Variants in CPE observed in about 807,000 individuals in gnomAD.
CPE encodes the protein carboxypeptidase E.
CPE carries 17 observed loss-of-function variants against 53.5 expected under a neutral mutation model. The ratio of observed to expected loss-of-function variants is 0.32; its 90% confidence interval spans 0.22 to 0.48. The LOEUF is 0.48. Among genes scored for constraint, CPE ranks in the 20% least tolerant of loss-of-function variants. CPE has a pLI of 0.99. For missense variants in CPE, 524 were observed against 614.7 expected, an observed-to-expected ratio of 0.85 and a Z score of 1.56; for synonymous variants, 226 against 228.8, an observed-to-expected ratio of 0.99 and a Z score of 0.11.
chr4:165,420,669 A>G (rs1731196107), intron 1 of CPE, among the ~76,000 whole-genome samples: 1 of 152,088 alleles, frequency 6.6e-6, no homozygotes. Context: ...ATTGAATAGT[A>G]GAGAATTTCT....
At chr4:165,450,613 T>C (rs889481244) in intron 1 of CPE, among the ~76,000 whole-genome samples, 1 of 152,214 alleles carries the variant, frequency 6.6e-6, no homozygotes, top group Admixed American at 6.5e-5. Context: ...AAAATTTAAA[T>C]ATTGAATTTG....
chr4:165,401,625 A>G (rs1040828257), intron 1 of CPE, among the ~76,000 whole-genome samples: 1 of 152,226 alleles, frequency 6.6e-6, no homozygotes, highest in Non-Finnish European at 1.5e-5. Flanking sequence ...AGAAATTATT[A>G]TTATTTCCCA....
intron 3 of CPE, among the ~76,000 whole-genome samples, chr4:165,473,845 A>T (rs1359901972): frequency 6.6e-6 from 1 of 152,262 alleles, no homozygotes; most frequent in African/African-American, 2.4e-5. Flanking sequence ...TTACTCCTCC[A>T]GGAGTTTCTC....
chr4:165,414,767 T>A (rs1731094256), intron 1 of CPE, among the ~76,000 whole-genome samples: 1 of 151,982 alleles, frequency 6.6e-6, no homozygotes, highest in African/African-American at 2.4e-5. Context: ...ACAGTGTATA[T>A]AAAAAATAAT....
At position 165,450,366 on chromosome 4, in the gene CPE, A is replaced by G. The variant is rs1731787992; in HGVS notation, c.308-14024A>G. The stretch of plus-strand genomic sequence containing the variant: ...TTCATTGGGAAGAAAAAATCCTCTC[A>G]AGGTCCTATCTCAGTCCCTGAAGAA... On this transcript the variant is annotated intron_variant, in intron 1 of 8. Transcript: ENST00000402744. Among the ~76,000 whole-genome samples, 5 of 152,274 alleles carry G rather than the reference A, an allele frequency of 3.3e-5. No individual in the cohort carries two copies. In the South Asian group the frequency reaches 1.0e-3, roughly 32 times the overall value.
intron 1 of CPE, among the ~76,000 whole-genome samples, chr4:165,455,636 TCTTAAACAAGTCA>T (rs1240062282): frequency 2.0e-5 from 3 of 151,346 alleles, no homozygotes; most frequent in African/African-American, 7.4e-5. Flanking sequence ...TTAACAATGT[TCTTAAACAAGTCA>T]AAGGTATTTT....
intron 1 of CPE, among the ~76,000 whole-genome samples, chr4:165,435,155 G>A (rs921049449): frequency 6.6e-6 from 1 of 152,156 alleles, no homozygotes; most frequent in African/African-American, 2.4e-5. Flanking sequence ...CCAGCCTCAA[G>A]TATTCCTTTA....
At chr4:165,396,009 G>T (rs939101048) in intron 1 of CPE, among the ~76,000 whole-genome samples, 1 of 152,102 alleles carries the variant, frequency 6.6e-6, no homozygotes, top group Admixed American at 6.5e-5. Flanking sequence ...AAAAGGAGTT[G>T]CCCTAAAGAA....
At position 165,484,534 on chromosome 4, in the gene CPE, C is replaced by T. The variant is rs747679979; in HGVS notation, c.903C>T (p.Arg301=). 2.5e-6 allele frequency: 4 copies of T among 1,614,126 alleles called. No individual in the cohort carries two copies. Among genetic ancestry groups the T allele is most frequent in the East Asian group, 4.5e-5 (2 of 44,878 alleles). Residue 301 remains arginine (R), a synonymous_variant, in exon 5 of 9, where the codon CGC becomes CGT. Transcript: ENST00000402744. ...CTGACCCCAATCGGCCACCATGTCGCAAGAATGATGATGACAGCAGCTTTG... is the reference window on the plus strand; with the variant it reads ...CTGACCCCAATCGGCCACCATGTCGTAAGAATGATGATGACAGCAGCTTTG... ...AMSDPNRPPC[R]KNDDDSSFVD... is the part of the protein sequence containing the mutation.
chr4:165,490,215 A>G (rs1255362349), intron 6 of CPE, among the ~76,000 whole-genome samples: 1 of 152,244 alleles, frequency 6.6e-6, no homozygotes, highest in African/African-American at 2.4e-5. Context: ...TTTTAAAGAG[A>G]TGTTTGCAGG....
intron 6 of CPE, among the ~76,000 whole-genome samples, chr4:165,492,107 T>C (rs552891274): frequency 6.6e-6 from 1 of 152,344 alleles, no homozygotes; most frequent in East Asian, 1.9e-4. Context: ...AAGCAGTTTT[T>C]GTAGTTTGCA....
At chr4:165,386,135 T>C (rs1730586955) in intron 1 of CPE, 1 of 440,018 alleles carries the variant, frequency 2.3e-6, no homozygotes, top group African/African-American at 2.1e-5. Flanking sequence ...ACCTATGAAA[T>C]GACAATAATG....
At chr4:165,434,548 TC>T (rs1306420512) in intron 1 of CPE, among the ~76,000 whole-genome samples, 1 of 152,192 alleles carries the variant, frequency 6.6e-6, no homozygotes, top group Non-Finnish European at 1.5e-5. Flanking sequence ...TATTATATAC[TC>T]TTTTTCTTTT....
chr4:165,459,479 G>T (rs1731956600), intron 1 of CPE, among the ~76,000 whole-genome samples: 1 of 152,120 alleles, frequency 6.6e-6, no homozygotes, highest in Admixed American at 6.6e-5. Flanking sequence ...TGGAATGCTG[G>T]ATGGTTACAT....
At chr4:165,390,362 A>G (rs893093957) in intron 1 of CPE, among the ~76,000 whole-genome samples, 1 of 152,098 alleles carries the variant, frequency 6.6e-6, no homozygotes, top group Admixed American at 6.6e-5. Context: ...TTTAACATTA[A>G]TTTCTCCATA....
At chr4:165,440,515 A>G (rs1012424150) in intron 1 of CPE, among the ~76,000 whole-genome samples, 2 of 148,492 alleles carry the variant, frequency 1.3e-5, no homozygotes, top group East Asian at 4.1e-4. Context: ...CAGGATTTGG[A>G]AAAATGCCAC....
Position 165,438,636 on chromosome 4 carries a change from C to T in CPE, c.308-25754C>T, listed in dbSNP as rs73860751. 5.7e-3 allele frequency among the ~76,000 whole-genome samples: 860 copies of T among 152,146 alleles called. 8 individuals carry two copies. Among genetic ancestry groups the T allele is most frequent in the African/African-American group, 0.018 (758 of 41,504 alleles). On this transcript the variant is annotated intron_variant, in intron 1 of 8. Transcript: ENST00000402744. The stretch of plus-strand genomic sequence containing the variant: ...TAATTTGAATGGGTCATTTCAAACA[C>T]GATGAGTGTTACAAAGTCACTAAAA...
chr4:165,393,432 A>G (rs1347003785), intron 1 of CPE, among the ~76,000 whole-genome samples: 1 of 152,334 alleles, frequency 6.6e-6, no homozygotes, highest in Non-Finnish European at 1.5e-5. Context: ...TGTTAAACCC[A>G]ATCTTCATTA....
In CPE at chr4:165,387,581, C is replaced by T. The variant is rs367632378; in HGVS notation, c.307+8053C>T. Among the ~76,000 whole-genome samples, 37 of 152,182 alleles carry T rather than the reference C, an allele frequency of 2.4e-4. 1 individual carries two copies. The highest frequency in any genetic ancestry group is 5.1e-4 in the African/African-American group (21 of 41,544). On this transcript the variant is annotated intron_variant, in intron 1 of 8. Transcript: ENST00000402744. ...ATCCTAGCACTTTGGGAGGCCAAGG[C>T]GGGTGGATCACGAGGTCGGGAGTTC... is the stretch of plus-strand genomic sequence containing the variant.
Sources: allele counts gnomAD v4.1 joint callset (sites outside exome capture counted in the v4.1 genomes callset), GRCh38; gene constraint gnomAD v4.1.1; transcripts MANE v1.5; gene names NCBI Gene and HGNC (gene_info 2026-07-23, HGNC 2026-07-21).